ZNF91: variants seen among roughly 807,000 people sequenced by gnomAD.
ZNF91 encodes the protein zinc finger protein 91, also known as zinc finger protein 91 (HPF7, HTF10).
A neutral mutation model predicts 12.6 loss-of-function variants in ZNF91; 7 were observed. That is an observed-to-expected ratio of 0.55 (90% CI 0.31 to 1.04). ZNF91 has a LOEUF of 1.04. Among genes scored for constraint, ZNF91 ranks in the 50% least tolerant of loss-of-function variants. ZNF91 has a pLI of 0.05. For missense variants in ZNF91, 1,217 were observed against 1,385.4 expected (o/e 0.88, Z 1.93); for synonymous variants, 453 against 462.6 (o/e 0.98, Z 0.27).
intron 3 of ZNF91, among the ~76,000 whole-genome samples, chr19:23,370,492 C>T (rs2164786): frequency 0.19 from 28,645 of 152,008 alleles, 2,923 homozygotes; most frequent in Non-Finnish European, 0.21. Flanking sequence ...ATTAACAGGC[C>T]TGAAATATAC....
At chr19:23,353,978 AG>A (rs1397953451), downstream of ZNF91, among the ~76,000 whole-genome samples, 2 of 152,186 alleles carry the variant, frequency 1.3e-5, no homozygotes, top group Non-Finnish European at 2.9e-5. Context: ...AAAAAAGTCC[AG>A]GACCAGATGG....
chr19:23,371,335 A>C (rs1969268302), intron 3 of ZNF91, among the ~76,000 whole-genome samples: 1 of 152,084 alleles, frequency 6.6e-6, no homozygotes. Flanking sequence ...ACAAGAGCAA[A>C]ACTCCATCTC....
At chr19:23,313,169 CTA>C, upstream of ZNF91, among the ~76,000 whole-genome samples, 1 of 152,334 alleles carries the variant, frequency 6.6e-6, no homozygotes, top group East Asian at 1.9e-4. Context: ...AAATATCATT[CTA>C]TGACTTTCCT....
intron 1 of ZNF91, among the ~76,000 whole-genome samples, chr19:23,316,503 T>G (rs936566371): frequency 6.6e-6 from 1 of 152,202 alleles, no homozygotes; most frequent in African/African-American, 2.4e-5. Flanking sequence ...AACGTATTCC[T>G]GGCTGAGTAC....
At chr19:23,310,918 T>G (rs984811459), upstream of ZNF91, among the ~76,000 whole-genome samples, 5 of 152,372 alleles carry the variant, frequency 3.3e-5, no homozygotes, top group African/African-American at 1.2e-4. Flanking sequence ...CTTGGACTAT[T>G]ACCAAGGTGA....
chr19:23,374,388 CAAA>C (rs34706703), intron 2 of ZNF91, among the ~76,000 whole-genome samples: 5 of 88,252 alleles, frequency 5.7e-5, no homozygotes, highest in Non-Finnish European at 9.5e-5. Flanking sequence ...CTAAAAATAC[CAAA>C]AAAAAAAAAA....
At chr19:23,368,562 C>CTCTATATATA (rs768532900) in intron 3 of ZNF91, among the ~76,000 whole-genome samples, 94 of 118,598 alleles carry the variant, frequency 7.9e-4, no homozygotes, top group African/African-American at 2.9e-3. Flanking sequence ...CTCTCTCTCT[C>CTCTATATATA]TATATATATA....
At chr19:23,390,159 A>G (rs1230216458) in intron 1 of ZNF91, among the ~76,000 whole-genome samples, 1 of 152,146 alleles carries the variant, frequency 6.6e-6, no homozygotes, top group Non-Finnish European at 1.5e-5. Context: ...TCTAGTAAAA[A>G]TGCAAAATTA....
chr19:23,336,531 A>G (rs1968011151), downstream of ZNF91, among the ~76,000 whole-genome samples: 1 of 152,216 alleles, frequency 6.6e-6, no homozygotes, highest in Non-Finnish European at 1.5e-5. Context: ...TACAAAGAAA[A>G]GGGAAGATGG....
intron 3 of ZNF91, among the ~76,000 whole-genome samples, chr19:23,347,008 C>T (rs1434413207): frequency 6.6e-6 from 1 of 152,092 alleles, no homozygotes; most frequent in Non-Finnish European, 1.5e-5. Flanking sequence ...ATACCTTTTC[C>T]AAACCTAACA....
At chr19:23,344,206 T>C (rs530784552) in intron 3 of ZNF91, among the ~76,000 whole-genome samples, 2 of 152,254 alleles carry the variant, frequency 1.3e-5, no homozygotes, top group South Asian at 4.2e-4. Flanking sequence ...GCCATTGTTC[T>C]ACCTCAGCCT....
intron 1 of ZNF91, among the ~76,000 whole-genome samples, chr19:23,330,143 C>G (rs991840657): frequency 1.3e-5 from 2 of 152,014 alleles, no homozygotes; most frequent in Non-Finnish European, 2.9e-5. Context: ...CCAGCTTTGT[C>G]AACATGGTGA....
intron 1 of ZNF91, among the ~76,000 whole-genome samples, chr19:23,386,989 A>T (rs939686039): frequency 1.3e-5 from 2 of 152,228 alleles, no homozygotes; most frequent in Non-Finnish European, 1.5e-5. Context: ...AAAAGTAGAC[A>T]AGAAACATGA....
intron 2 of ZNF91, chr19:23,308,754 A>C (rs1184926082): frequency 6.6e-6 from 1 of 152,212 alleles, no homozygotes; most frequent in Non-Finnish European, 1.5e-5. Flanking sequence ...GTGAATACCC[A>C]AAAATGGAAT....
At chr19:23,373,129 G>T (rs1969349753) in intron 3 of ZNF91, among the ~76,000 whole-genome samples, 1 of 152,010 alleles carries the variant, frequency 6.6e-6, no homozygotes, top group African/African-American at 2.4e-5. Context: ...AATAAAAATA[G>T]ATTTTTACTT....
At chr19:23,305,795 G>C (rs1216465337) in intron 3 of ZNF91, among the ~76,000 whole-genome samples, 2 of 152,194 alleles carry the variant, frequency 1.3e-5, no homozygotes, top group Non-Finnish European at 2.9e-5. Context: ...TGCATACACT[G>C]AGAAGGAAAG....
At chr19:23,326,176 C>T (rs1967833522) in intron 1 of ZNF91, 1 of 152,202 alleles carries the variant, frequency 6.6e-6, no homozygotes, top group Non-Finnish European at 1.5e-5. Context: ...ATTAGGCCTT[C>T]TGTTCCTAAT....
intron 3 of ZNF91, among the ~76,000 whole-genome samples, chr19:23,340,864 G>A (rs1968109702): frequency 6.6e-6 from 1 of 151,050 alleles, no homozygotes; most frequent in East Asian, 1.9e-4. Context: ...TGCAAACTAC[G>A]TGCCAACATG....
chr19:23,324,000 C>T (rs1354145045), intron 1 of ZNF91: 1 of 149,428 alleles, frequency 6.7e-6, no homozygotes, highest in Non-Finnish European at 1.5e-5. Flanking sequence ...TCCCGATTCT[C>T]CTCCTCTCCT....
Sources: gnomAD v4.1 joint callset for allele counts (sites outside exome capture counted in the v4.1 genomes callset) on GRCh38, gnomAD v4.1.1 for gene constraint, MANE v1.5 for transcripts, NCBI Gene and HGNC (gene_info 2026-07-23, HGNC 2026-07-21) for gene names.